LIPN: variants seen among roughly 807,000 people sequenced by gnomAD.
The protein encoded by LIPN is lipase member N.
LIPN carries 32 observed loss-of-function variants against 43.7 expected under a neutral mutation model. The observed-to-expected ratio is 0.73, with a 90% CI of 0.55 to 0.98. The LOEUF (loss-of-function observed/expected upper bound fraction) is 0.98, where lower values mean the gene tolerates loss of function less well. Ranked by LOEUF, LIPN falls within the 50% of genes least tolerant of loss-of-function variation. LIPN has a pLI of 0.00. For missense variants in LIPN, 505 were observed against 483.8 expected, an observed-to-expected ratio of 1.04 and a Z score of -0.41; for synonymous variants, 156 against 157.6, an observed-to-expected ratio of 0.99 and a Z score of 0.08.
intron 6 of LIPN, chr10:88,769,599 C>T (rs1843172465): frequency 4.1e-6 from 4 of 983,546 alleles, no homozygotes; most frequent in East Asian, 1.1e-4. Context: ...TCCAGATTGG[C>T]CTTTGAACTT....
intron 6 of LIPN, chr10:88,769,755 G>A (rs1233856463): frequency 1.2e-5 from 2 of 166,138 alleles, no homozygotes; most frequent in Non-Finnish European, 2.5e-5. Flanking sequence ...GCTAACACAA[G>A]GAATAATTTC....
intron 8 of LIPN, 23 bp downstream of exon 8, chr10:88,774,567 C>T (rs1843264828): frequency 6.4e-7 from 1 of 1,553,030 alleles, no homozygotes; most frequent in South Asian, 1.1e-5. Context: ...TCATGGAAAA[C>T]CATTCCAATC....
rs1378214941 is a variant in LIPN at position 88,764,513 on chromosome 10, AG to A, written c.332del (p.Gly111ValfsTer44). On this transcript the variant is annotated frameshift_variant, in exon 4 of 10. Transcript: ENST00000404459. LOFTEE classifies it high-confidence loss of function. ...GCCTTGGATTCCTTCTAGCAGATGC[AG>A]GTTATGATGTATGGATGGGAAACAG... The part of the protein sequence containing the change: ...GSLGFLLADA[G>X]YDVWMGNSRG... The A allele has an allele frequency of 6.2e-7, 1 of 1,612,324 alleles. No homozygotes were observed. Among genetic ancestry groups the A allele is most frequent in the Admixed American group, 1.7e-5 (1 of 59,770 alleles).
At position 88,770,855 on chromosome 10, in the gene LIPN, G is replaced by C. The variant is rs201135817; in HGVS notation, c.683G>C (p.Gly228Ala). ...TATTTACTTTCATAGGCTGTTTTTG[G>C]TACCAAAGGTTTCTTTTTAGAAGAT... ...LPNSIIKAVF[G>A]TKGFFLEDKK... Residue 228 changes from glycine to alanine, a missense_variant, in exon 7 of 10, where the codon GGT (glycine) becomes GCT (alanine). Transcript: ENST00000404459. 305 of 1,510,178 alleles carry C rather than the reference G, an allele frequency of 2.0e-4. No individual in the cohort carries two copies. In the South Asian group the frequency reaches 3.5e-3, roughly 17 times the overall value. 93.5% of individuals were successfully genotyped at this position (1,510,178 alleles called of 1,614,324 possible).
intron 8 of LIPN, 52 bp downstream of exon 8, chr10:88,774,596 A>T (rs994608131): frequency 1.4e-6 from 2 of 1,457,400 alleles, no homozygotes; most frequent in Non-Finnish European, 1.9e-6. Context: ...CAATATATTT[A>T]AAAAGACAGA....
chr10:88,763,831 G>A (rs573475948), intron 3 of LIPN, among the ~76,000 whole-genome samples: 34 of 152,114 alleles, frequency 2.2e-4, no homozygotes, highest in South Asian at 1.7e-3. Context: ...GATTTGAATA[G>A]AAATTTGGTG....
intron 3 of LIPN, among the ~76,000 whole-genome samples, chr10:88,763,254 A>G (rs1392539106): frequency 6.6e-6 from 1 of 152,076 alleles, no homozygotes; most frequent in Non-Finnish European, 1.5e-5. Context: ...CTAAAAAGTC[A>G]TTATTTATTC....
intron 3 of LIPN, among the ~76,000 whole-genome samples, chr10:88,763,144 A>G (rs1259142601): frequency 6.6e-6 from 1 of 152,070 alleles, no homozygotes; most frequent in Non-Finnish European, 1.5e-5. Context: ...TGAGAGTGAG[A>G]TATGAGTAGT....
At chr10:88,758,384 A>C (rs1391307021), upstream of LIPN, among the ~76,000 whole-genome samples, 2 of 151,314 alleles carry the variant, frequency 1.3e-5, no homozygotes, top group East Asian at 3.9e-4. Flanking sequence ...AAAAAGGAAA[A>C]ATTTGAGCTT....
Position 88,770,908 on chromosome 10 carries a change from A to C in LIPN, c.736A>C (p.Ile246Leu). 1 of 1,549,776 alleles carries C rather than the reference A, an allele frequency of 6.5e-7. No homozygotes were observed. Among genetic ancestry groups the C allele is most frequent in the Non-Finnish European group, 8.7e-7 (1 of 1,144,350 alleles). Residue 246 changes from isoleucine (I) to leucine (L), a missense_variant, in exon 7 of 10, where the codon ATC becomes CTC. By Grantham distance (5) the Ile-to-Leu change is conservative. Coordinates refer to ENST00000404459, the MANE Select transcript of LIPN (RefSeq NM_001102469.2). ...DKKTKIASTKICNNKILWLIC... is the reference protein window; with the variant it reads ...DKKTKIASTKLCNNKILWLIC... ...GAAAACGAAGATAGCTTCTACCAAAATCTGCAACAATAAGATACTCTGGTT... is the reference window on the plus strand; with the variant it reads ...GAAAACGAAGATAGCTTCTACCAAACTCTGCAACAATAAGATACTCTGGTT...
chr10:88,776,875 C>T lies in LIPN; in HGVS notation c.964-1134C>T, dbSNP rs17112781. 8.5e-3 allele frequency among the ~76,000 whole-genome samples: 1,298 copies of T among 152,080 alleles called. 48 individuals are homozygous for T. The highest frequency in any genetic ancestry group is 0.071 in the East Asian group (369 of 5,166). On this transcript the variant is annotated intron_variant, in intron 9 of 9. Coordinates refer to ENST00000404459, the MANE Select transcript of LIPN (RefSeq NM_001102469.2). Reference sequence around the variant, plus strand: ...GGTCCTCTTATTTTCCAAGTTATTCCGGTCCTGTGCCCTTGATCCCATCTC... The same window carrying T: ...GGTCCTCTTATTTTCCAAGTTATTCTGGTCCTGTGCCCTTGATCCCATCTC...
intron 5 of LIPN, among the ~76,000 whole-genome samples, chr10:88,767,837 A>G (rs1843133325): frequency 6.6e-6 from 1 of 151,822 alleles, no homozygotes; most frequent in Non-Finnish European, 1.5e-5. Flanking sequence ...GTCCCAGCCC[A>G]TTAAACAGGG....
chr10:88,766,493 T>C, intron 5 of LIPN, 115 bp downstream of exon 5: 1 of 727,382 alleles, frequency 1.4e-6, no homozygotes, highest in South Asian at 1.4e-5. Context: ...GTGCCCTCAA[T>C]TCCCTGTCCT....
At chr10:88,773,331 T>A (rs1483895144) in intron 7 of LIPN, among the ~76,000 whole-genome samples, 2 of 151,868 alleles carry the variant, frequency 1.3e-5, no homozygotes, top group Non-Finnish European at 2.9e-5. Context: ...ATGTTCTCAA[T>A]CAGCCATAAC....
At chr10:88,760,559 T>G (rs540959056) in intron 1 of LIPN, among the ~76,000 whole-genome samples, 1 of 152,280 alleles carries the variant, frequency 6.6e-6, no homozygotes, top group Admixed American at 6.5e-5. Flanking sequence ...TATTTATCTC[T>G]TGCTCACTTT....
intron 7 of LIPN, among the ~76,000 whole-genome samples, chr10:88,771,555 G>T (rs534007703): frequency 6.6e-6 from 1 of 151,612 alleles, no homozygotes; most frequent in East Asian, 1.9e-4. Flanking sequence ...TTAATGTAAT[G>T]TTCTCTAATT....
chr10:88,778,558 AAGGAAC>A lies in LIPN; in HGVS notation c.*319_*324del, dbSNP rs1843336346. On this transcript the variant is annotated 3_prime_UTR_variant, in exon 10 of 10. Transcript: ENST00000404459. ...AAGTATAGAAATGTCTGAAGCTTCA[AAGGAAC>A]AGTGAAATTCCTTTAAGGTCCTATA... 6.6e-6 allele frequency among the ~76,000 whole-genome samples: 1 copy of A among 152,192 alleles called. No homozygotes were observed. Among genetic ancestry groups the A allele is most frequent in the African/African-American group, 2.4e-5 (1 of 41,452 alleles).
In LIPN at chr10:88,775,073, T is replaced by C; in HGVS notation, c.892-19T>C. 1 of 1,509,284 alleles carries C rather than the reference T, an allele frequency of 6.6e-7. No homozygotes were observed. The highest frequency in any genetic ancestry group is 1.2e-5 in the South Asian group (1 of 81,038). The allele number at this position is 1,509,284 out of a possible 1,614,324, so 93.5% of individuals were successfully genotyped here. On this transcript the variant is annotated intron_variant, in intron 8 of 9. Transcript: ENST00000404459. ...ATTCTTACCCTAACTATTCTTTTTC[T>C]AAAAAACATTTGTTTCAGCTTTACC... is the stretch of plus-strand genomic sequence containing the variant.
intron 7 of LIPN, among the ~76,000 whole-genome samples, chr10:88,772,813 C>A (rs1843232325): frequency 2.0e-5 from 3 of 147,612 alleles, no homozygotes; most frequent in South Asian, 2.1e-4. Context: ...CATCAACATA[C>A]AAAATTCAGC....
Sources: gnomAD v4.1 joint callset for allele counts (sites outside exome capture counted in the v4.1 genomes callset) on GRCh38, gnomAD v4.1.1 for gene constraint, MANE v1.5 for transcripts, NCBI Gene and HGNC (gene_info 2026-07-23, HGNC 2026-07-21) for gene names.